The following POLI variants were observed in gnomAD, a reference collection of about 807,000 sequenced individuals.
The protein encoded by POLI is RAD30 homolog B.
A neutral mutation model predicts 51.6 loss-of-function variants in POLI; 58 were observed. The observed-to-expected ratio is 1.12, with a 90% confidence interval of 0.91 to 1.40. The LOEUF (loss-of-function observed/expected upper bound fraction) is 1.40, where lower values mean the gene tolerates loss of function less well. Among genes scored for constraint, POLI ranks in the 40% most tolerant of loss-of-function variants. The pLI is 0.00. For missense variants in POLI, 921 were observed against 871.3 expected, an observed-to-expected ratio of 1.06 and a Z score of -0.72; for synonymous variants, 322 against 299.7, an observed-to-expected ratio of 1.07 and a Z score of -0.77.
At chr18:54,283,757 T>G in intron 6 of POLI, 165 bp from the exon 7 acceptor site, 1 of 441,926 alleles carries the variant, frequency 2.3e-6, no homozygotes, top group Non-Finnish European at 4.2e-6. Flanking sequence ...TACAATAGCT[T>G]GCAGATAAAA....
At chr18:54,272,221 GA>G (rs1441524379) in intron 2 of POLI, 6 of 152,222 alleles carry the variant, frequency 3.9e-5, no homozygotes, top group Non-Finnish European at 5.9e-5. Flanking sequence ...ACAAAGGGAT[GA>G]CTAGTTTTTG....
intron 7 of POLI, 166 bp downstream of exon 7, chr18:54,284,179 G>A: frequency 2.2e-6 from 1 of 462,830 alleles, no homozygotes; most frequent in Non-Finnish European, 3.9e-6. Context: ...CTGTTGTAAA[G>A]ATGGTAATAG....
At position 54,282,990 on chromosome 18, in the gene POLI, C is replaced by G. The variant is rs754652473; in HGVS notation, c.950C>G (p.Pro317Arg). ...CTCAGTTTTGGAGAGGATAACTCCC[C>G]TGTGATACTCTCAGGACCACCTCAG... ...QKLSFGEDNS[P>R]VILSGPPQSF... The change falls in exon 6 of 10, where the codon CCT becomes CGT. Residue 317 changes from proline to arginine, a missense_variant. Pro to Arg is a moderately radical substitution (Grantham distance 103, BLOSUM62 -2). Coordinates refer to ENST00000579534, the MANE Select transcript of POLI (RefSeq NM_007195.3). 4 of 1,608,244 alleles carry G rather than the reference C, an allele frequency of 2.5e-6. No individual in the cohort carries two copies. In the African/African-American group the frequency reaches 4.0e-5, roughly 16 times the overall value.
At chr18:54,303,695 A>G (rs903348028) in intron 3 of POLI, among the ~76,000 whole-genome samples, 1 of 151,744 alleles carries the variant, frequency 6.6e-6, no homozygotes, top group Non-Finnish European at 1.5e-5. Context: ...TTAAACCTCA[A>G]ATCTTGGCAG....
intron 8 of POLI, among the ~76,000 whole-genome samples, chr18:54,289,434 A>G (rs957054071): frequency 6.6e-6 from 1 of 152,108 alleles, no homozygotes; most frequent in African/African-American, 2.4e-5. Flanking sequence ...TGCCATCCCC[A>G]TCAAGCTACC....
chr18:54,289,725 G>T (rs1197003446), intron 8 of POLI, among the ~76,000 whole-genome samples: 1 of 151,904 alleles, frequency 6.6e-6, no homozygotes, highest in African/African-American at 2.4e-5. Context: ...CAAGCAATGG[G>T]GAAAGGATTC....
At chr18:54,274,220 G>A (rs553052578) in intron 3 of POLI, 130 bp downstream of exon 3, 5 of 437,274 alleles carry the variant, frequency 1.1e-5, no homozygotes, top group African/African-American at 8.2e-5. Context: ...CTTATTTTGG[G>A]TCTTGTCAAC....
intron 4 of POLI, among the ~76,000 whole-genome samples, chr18:54,279,460 C>T (rs1283587713): frequency 6.6e-6 from 1 of 152,044 alleles, no homozygotes; most frequent in Non-Finnish European, 1.5e-5. Context: ...CCAGGCTGGT[C>T]TTGAACTCCT....
intron 3 of POLI, among the ~76,000 whole-genome samples, chr18:54,309,436 G>C (rs1333437522): frequency 1.3e-5 from 2 of 152,174 alleles, no homozygotes; most frequent in Non-Finnish European, 2.9e-5. Context: ...AGCAAATATT[G>C]CTGCCTGATC....
intron 3 of POLI, among the ~76,000 whole-genome samples, 190 bp from the exon 4 acceptor site, chr18:54,277,513 T>C (rs1016439428): frequency 2.0e-5 from 3 of 152,178 alleles, no homozygotes; most frequent in Non-Finnish European, 2.9e-5. Context: ...TTTGAAAATA[T>C]TGCCTTTATA....
At chr18:54,285,826 C>T (rs1256170933) in intron 7 of POLI, among the ~76,000 whole-genome samples, 1 of 152,066 alleles carries the variant, frequency 6.6e-6, no homozygotes. Context: ...GAAGTTTTGT[C>T]ACAAAGCAGT....
At chr18:54,300,348 T>C (rs895702353), downstream of POLI, among the ~76,000 whole-genome samples, 6 of 152,134 alleles carry the variant, frequency 3.9e-5, no homozygotes, top group African/African-American at 1.4e-4. Flanking sequence ...TAGTATATTA[T>C]TGTAAGGCCC....
chr18:54,306,540 T>G (rs143819618), intron 3 of POLI, among the ~76,000 whole-genome samples: 10,438 of 152,024 alleles, frequency 0.069, 410 homozygotes, highest in African/African-American at 0.087. Flanking sequence ...ATTCTCTTTT[T>G]TGTGTGTGTC....
rs1295960981 is a variant in POLI, at chr18:54,295,928, C to T, written c.*1461C>T. 2.0e-6 allele frequency: 2 copies of T among 984,490 alleles called. No individual in the cohort carries two copies. The highest frequency in any genetic ancestry group is 1.2e-6 in the Non-Finnish European group (1 of 829,286). The allele number at this position is 984,490 out of a possible 1,614,324, so 61.0% of individuals were successfully genotyped here. A position where few individuals can be genotyped will look rare whatever the true frequency, so the allele number is the denominator to read the frequency against. On this transcript the variant is annotated 3_prime_UTR_variant, in exon 10 of 10. Coordinates refer to ENST00000579534, the MANE Select transcript of POLI (RefSeq NM_007195.3). ...AGGTGTGAGCCATTGCTCCTGGCCC[C>T]AGCTCTGAAATTTTAACTTAGTTTT... is the stretch of plus-strand genomic sequence containing the variant.
At chr18:54,286,539 T>C (rs2087753929) in intron 7 of POLI, among the ~76,000 whole-genome samples, 1 of 149,918 alleles carries the variant, frequency 6.7e-6, no homozygotes, top group African/African-American at 2.5e-5. Flanking sequence ...AAAATCTTTT[T>C]TTTGGTAATC....
intron 3 of POLI, among the ~76,000 whole-genome samples, chr18:54,275,210 A>C (rs2087186016): frequency 6.6e-6 from 1 of 152,192 alleles, no homozygotes; most frequent in Non-Finnish European, 1.5e-5. Flanking sequence ...CTGTAATCCC[A>C]GCACTTTTGG....
At chr18:54,314,429 T>C (rs962015367) in intron 3 of POLI, among the ~76,000 whole-genome samples, 2 of 152,088 alleles carry the variant, frequency 1.3e-5, no homozygotes, top group Admixed American at 1.3e-4. Context: ...TGGCCTGAAG[T>C]TTTCTTTTTT....
At chr18:54,277,634 AC>A in intron 3 of POLI, 68 bp from the exon 4 acceptor site, 2 of 933,478 alleles carry the variant, frequency 2.1e-6, no homozygotes, top group East Asian at 5.2e-5. Context: ...ATTTTTAAGC[AC>A]TAGATAGTTA....
At chr18:54,277,997 CAG>C in intron 4 of POLI, 142 bp downstream of exon 4, 4 of 612,716 alleles carry the variant, frequency 6.5e-6, no homozygotes, top group African/African-American at 1.8e-5. Flanking sequence ...CTGTCTAGGA[CAG>C]CTAAAATTAG....
Sources: gnomAD v4.1 joint callset for allele counts (sites outside exome capture counted in the v4.1 genomes callset) on GRCh38, gnomAD v4.1.1 for gene constraint, MANE v1.5 for transcripts, NCBI Gene and HGNC (gene_info 2026-07-23, HGNC 2026-07-21) for gene names.